SYTL3: variants seen among roughly 807,000 people sequenced by gnomAD.
The protein encoded by SYTL3 is synaptotagmin like 3.
A neutral mutation model predicts 82.1 loss-of-function variants in SYTL3; 88 were observed. The observed-to-expected ratio is 1.07, with a 90% CI of 0.90 to 1.28. SYTL3 has a LOEUF of 1.28. Ranked by LOEUF, SYTL3 falls within the 50% of genes most tolerant of loss-of-function variation. The pLI is 0.00. For missense variants in SYTL3, 831 were observed against 757.6 expected (o/e 1.10, Z -1.14); for synonymous variants, 311 against 289.4 (o/e 1.07, Z -0.76).
intron 6 of SYTL3, among the ~76,000 whole-genome samples, chr6:158,690,674 A>C (rs1002135349): frequency 2.0e-5 from 3 of 152,244 alleles, no homozygotes; most frequent in African/African-American, 7.2e-5. Context: ...AGTACAAAAA[A>C]TTTTAAATAT....
In SYTL3 at chr6:158,764,638, C is replaced by T. The variant is rs373534236; in HGVS notation, c.*34C>T. 6.5e-5 allele frequency: 97 copies of T among 1,502,920 alleles called. No homozygotes were observed. The highest frequency in any genetic ancestry group is 1.3e-4 in the Admixed American group (8 of 59,804). 93.1% of individuals were successfully genotyped at this position (1,502,920 alleles called of 1,614,324 possible). On this transcript the variant is annotated 3_prime_UTR_variant, in exon 18 of 18. Transcript: ENST00000611299. ...CCTCAAGGTTCCAGGTTGCAGCAGG[C>T]GTGAGGCACTGTGCGTCTGCAGAGG...
Position 158,729,715 on chromosome 6 carries a change from C to T in SYTL3, c.855+4078C>T, listed in dbSNP as rs184124248. Among the ~76,000 whole-genome samples the T allele has an allele frequency of 3.8e-4, 57 of 151,678 alleles. No homozygotes were observed. In the East Asian group the frequency reaches 5.2e-3, roughly 14 times the overall value. Reference sequence around the variant, plus strand: ...CTGAGTAGCTGGGACTACAGGCGCCCGCCACCACGCCCGGCTAATCTTTTG... The same window carrying T: ...CTGAGTAGCTGGGACTACAGGCGCCTGCCACCACGCCCGGCTAATCTTTTG... On this transcript the variant is annotated intron_variant, in intron 11 of 17. Transcript: ENST00000611299.
intron 11 of SYTL3, among the ~76,000 whole-genome samples, chr6:158,740,742 T>C (rs1220389566): frequency 9.9e-5 from 15 of 152,236 alleles, no homozygotes; most frequent in Admixed American, 9.8e-4. Flanking sequence ...TTCAAAAATA[T>C]TAGGTTGCTA....
At chr6:158,758,625 T>G (rs1789481870) in intron 14 of SYTL3, among the ~76,000 whole-genome samples, 1 of 152,134 alleles carries the variant, frequency 6.6e-6, no homozygotes, top group African/African-American at 2.4e-5. Flanking sequence ...AGCTGAGGCC[T>G]CCTGGTGAGC....
intron 2 of SYTL3, among the ~76,000 whole-genome samples, chr6:158,656,045 C>T (rs905012065): frequency 1.3e-4 from 20 of 152,136 alleles, no homozygotes; most frequent in Non-Finnish European, 7.4e-5. Context: ...AGAACTGGAT[C>T]GGGAGGTCAC....
chr6:158,702,427 C>G (rs1037682408), intron 6 of SYTL3, among the ~76,000 whole-genome samples: 4 of 151,220 alleles, frequency 2.6e-5, no homozygotes, highest in Non-Finnish European at 2.9e-5. Context: ...GTCTCTTCTG[C>G]CTCCTGGAGG....
In SYTL3 at chr6:158,650,228, A is replaced by G. The variant is rs1295829522; in HGVS notation, c.-727+150A>G. The stretch of plus-strand genomic sequence containing the variant: ...AAACATAATAAATTAGATAAAAGAT[A>G]TCTTGTAATTTTATTGAATAACATA... On this transcript the variant is annotated intron_variant, in intron 1 of 17. Transcript: ENST00000611299. The G allele has an allele frequency of 1.3e-5, 2 of 152,204 alleles. 1 individual carries two copies. 9.4% of individuals were successfully genotyped at this position (152,204 alleles called of 1,614,324 possible).
intron 9 of SYTL3, among the ~76,000 whole-genome samples, chr6:158,716,601 G>A (rs539752779): frequency 6.6e-6 from 1 of 152,256 alleles, no homozygotes; most frequent in East Asian, 1.9e-4. Flanking sequence ...TATCAGAGGA[G>A]GCTAGGAGGC....
At position 158,715,349 on chromosome 6, in the gene SYTL3, G is replaced by A. The variant is rs546053705; in HGVS notation, c.595+1471G>A. Among the ~76,000 whole-genome samples, 6 of 152,082 alleles carry A rather than the reference G, an allele frequency of 3.9e-5. No individual in the cohort carries two copies. In the South Asian group the frequency reaches 1.0e-3, roughly 26 times the overall value. On this transcript the variant is annotated intron_variant, in intron 9 of 17. Coordinates refer to ENST00000611299, the MANE Select transcript of SYTL3 (RefSeq NM_001242394.2). ...AAATCCAGAGAGGTGGGACACACACGTCAGCACACATGCACCTTCCTGGAT... is the reference window on the plus strand; with the variant it reads ...AAATCCAGAGAGGTGGGACACACACATCAGCACACATGCACCTTCCTGGAT...
intron 6 of SYTL3, among the ~76,000 whole-genome samples, chr6:158,687,079 T>C (rs1391563150): frequency 1.3e-5 from 2 of 152,218 alleles, no homozygotes; most frequent in Non-Finnish European, 2.9e-5. Context: ...ACCACAAAAG[T>C]GTACAGACAG....
intron 15 of SYTL3, 99 bp from the exon 16 acceptor site, chr6:158,761,977 G>A (rs1198303472): frequency 5.0e-6 from 4 of 805,056 alleles, no homozygotes; most frequent in East Asian, 5.0e-5. Context: ...GAGGGCTGTA[G>A]CAGATTCTCT....
At chr6:158,758,232 A>G (rs1219188580) in intron 14 of SYTL3, among the ~76,000 whole-genome samples, 4 of 152,128 alleles carry the variant, frequency 2.6e-5, no homozygotes, top group Admixed American at 1.3e-4. Flanking sequence ...CAAGGTCAGG[A>G]GATTGAGACC....
intron 11 of SYTL3, among the ~76,000 whole-genome samples, chr6:158,739,134 A>T (rs530815958): frequency 1.3e-5 from 2 of 152,202 alleles, no homozygotes; most frequent in Non-Finnish European, 2.9e-5. Context: ...GTTTTTAAAA[A>T]TCCAGTCATT....
intron 14 of SYTL3, among the ~76,000 whole-genome samples, chr6:158,757,605 C>G (rs574174248): frequency 3.3e-5 from 5 of 152,100 alleles, no homozygotes; most frequent in Admixed American, 6.5e-5. Flanking sequence ...CCGAACAGCC[C>G]CCGCCTCAGC....
rs554360319 is a variant in SYTL3, at chr6:158,744,279, G to C, written c.856-1201G>C. On this transcript the variant is annotated intron_variant, in intron 11 of 17. Coordinates refer to ENST00000611299, the MANE Select transcript of SYTL3 (RefSeq NM_001242394.2). Reference sequence around the variant, plus strand: ...TGTGGTTCTGACTTTCTGCCCCCAGGCTTGTTTTTTTTTTCTTTTTCTTTC... The same window carrying C: ...TGTGGTTCTGACTTTCTGCCCCCAGCCTTGTTTTTTTTTTCTTTTTCTTTC... Among the ~76,000 whole-genome samples the C allele has an allele frequency of 2.0e-3, 292 of 144,780 alleles. 15 individuals carry two copies. In the South Asian group the frequency reaches 0.051, roughly 25 times the overall value. 95.0% of individuals were successfully genotyped at this position (144,780 alleles called of 152,430 possible).
intron 11 of SYTL3, chr6:158,726,084 C>A: frequency 2.1e-6 from 1 of 475,346 alleles, no homozygotes. Flanking sequence ...AACATTAGTT[C>A]TTTCCAGAAT....
intron 5 of SYTL3, among the ~76,000 whole-genome samples, chr6:158,675,398 A>C (rs1015427179): frequency 6.6e-6 from 1 of 152,244 alleles, no homozygotes; most frequent in Admixed American, 6.5e-5. Context: ...ATAGTTACCT[A>C]GGATTCAATC....
intron 14 of SYTL3, among the ~76,000 whole-genome samples, chr6:158,758,732 C>G (rs568481943): frequency 1.7e-4 from 26 of 152,176 alleles, no homozygotes; most frequent in Non-Finnish European, 1.2e-4. Flanking sequence ...CTCCCCTTCC[C>G]AGTGCCTACC....
At chr6:158,656,609 C>T (rs1389796631) in intron 2 of SYTL3, among the ~76,000 whole-genome samples, 1 of 152,062 alleles carries the variant, frequency 6.6e-6, no homozygotes. Context: ...CCTGTAGTCC[C>T]AGCTACTCAG....
Sources: allele counts gnomAD v4.1 joint callset (sites outside exome capture counted in the v4.1 genomes callset), GRCh38; gene constraint gnomAD v4.1.1; transcripts MANE v1.5; gene names NCBI Gene and HGNC (gene_info 2026-07-23, HGNC 2026-07-21).